OIP5: variants seen among roughly 807,000 people sequenced by gnomAD.
OIP5 encodes Opa interacting protein 5.
Under a neutral mutation model 20.3 loss-of-function variants are expected in OIP5, and 24 were observed. The observed-to-expected ratio is 1.18, with a 90% confidence interval of 0.86 to 1.66. The LOEUF is 1.66. Among genes scored for constraint, OIP5 ranks in the 40% most tolerant of loss-of-function variants. OIP5 has a pLI of 0.00. For synonymous variants in OIP5, 143 were observed against 121.3 expected (o/e 1.18, Z -1.17); for missense variants, 339 against 289.5 (o/e 1.17, Z -1.24).
chr15:41,328,216 G>A (rs947970994), intron 2 of OIP5, among the ~76,000 whole-genome samples: 6 of 152,178 alleles, frequency 3.9e-5, no homozygotes, highest in African/African-American at 1.2e-4. Flanking sequence ...ATGAAGTCTC[G>A]CTATGTTGCT....
At chr15:41,311,876 CTT>C (rs74976629) in intron 4 of OIP5, among the ~76,000 whole-genome samples, 1 of 135,822 alleles carries the variant, frequency 7.4e-6, no homozygotes, top group Non-Finnish European at 1.7e-5. Flanking sequence ...AATAAGAATT[CTT>C]TTTTTTTTTT....
At chr15:41,312,495 TG>T (rs2047762312) in intron 4 of OIP5, among the ~76,000 whole-genome samples, 1 of 152,076 alleles carries the variant, frequency 6.6e-6, no homozygotes, top group African/African-American at 2.4e-5. Context: ...AGTCTCGCTC[TG>T]TTGCCCAGGC....
intron 2 of OIP5, among the ~76,000 whole-genome samples, chr15:41,323,947 G>A (rs938859892): frequency 3.4e-5 from 5 of 148,708 alleles, no homozygotes; most frequent in African/African-American, 1.2e-4. Flanking sequence ...TTGTTATGGA[G>A]AAGGTTTCTT....
intron 4 of OIP5, among the ~76,000 whole-genome samples, chr15:41,311,253 C>T (rs1259084849): frequency 1.3e-5 from 2 of 152,048 alleles, no homozygotes; most frequent in East Asian, 1.9e-4. Context: ...CGGTAGTGCG[C>T]GCCTGTAGTC....
intron 2 of OIP5, among the ~76,000 whole-genome samples, chr15:41,321,328 C>T (rs1268027683): frequency 6.6e-6 from 1 of 151,290 alleles, no homozygotes; most frequent in South Asian, 2.1e-4. Context: ...CCCGGCCAGC[C>T]GCCCCGTCCG....
Position 41,309,711 on chromosome 15 carries a change from C to T in OIP5, c.*43G>A. ...ACTAAGCAGCACCTGTTGTTGAAGA[C>T]AGCAATAAAGCCTGAACCTGACACT... is the stretch of plus-strand genomic sequence containing the variant. On this transcript the variant is annotated 3_prime_UTR_variant, in exon 5 of 5. Transcript: ENST00000220514. 1 of 1,296,636 alleles carries T rather than the reference C, an allele frequency of 7.7e-7. No individual in the cohort carries two copies. The highest frequency in any genetic ancestry group is 2.3e-5 in the East Asian group (1 of 42,920). The allele number at this position is 1,296,636 out of a possible 1,614,324, so 80.3% of individuals were successfully genotyped here.
In OIP5 at chr15:41,332,224, G is replaced by A; in HGVS notation, c.322+16C>T. The A allele has an allele frequency of 6.5e-7, 1 of 1,529,162 alleles. No homozygotes were observed. The highest frequency in any genetic ancestry group is 8.8e-7 in the Non-Finnish European group (1 of 1,140,338). The allele number at this position is 1,529,162 out of a possible 1,614,324, so 94.7% of individuals were successfully genotyped here. A position where few individuals can be genotyped will look rare whatever the true frequency, so the allele number is the denominator to read the frequency against. On this transcript the variant is annotated intron_variant, in intron 1 of 4. Coordinates refer to ENST00000220514, the MANE Select transcript of OIP5 (RefSeq NM_007280.2). ...GGGCTAGCCTCTGCCTTTCCCGAACGCTTCACTGCACTCACTGGAGAAGAC... is the reference window on the plus strand; with the variant it reads ...GGGCTAGCCTCTGCCTTTCCCGAACACTTCACTGCACTCACTGGAGAAGAC...
chr15:41,330,278 T>C (rs1443439319), intron 2 of OIP5, among the ~76,000 whole-genome samples: 1 of 152,048 alleles, frequency 6.6e-6, no homozygotes, highest in Non-Finnish European at 1.5e-5. Context: ...TTTGTATTTT[T>C]AGTAGAGACA....
intron 2 of OIP5, among the ~76,000 whole-genome samples, chr15:41,326,850 T>C (rs1437661444): frequency 6.6e-6 from 1 of 152,190 alleles, no homozygotes; most frequent in African/African-American, 2.4e-5. Flanking sequence ...CCTTCCATCA[T>C]TACATTGGAT....
chr15:41,320,413 G>C (rs937665613), intron 2 of OIP5, among the ~76,000 whole-genome samples: 2 of 146,582 alleles, frequency 1.4e-5, no homozygotes, highest in South Asian at 2.5e-4. Flanking sequence ...GAGTGCCTGC[G>C]ATTGCAGGCA....
At chr15:41,320,971 CGCG>C (rs1567026095) in intron 2 of OIP5, among the ~76,000 whole-genome samples, 4 of 151,514 alleles carry the variant, frequency 2.6e-5, no homozygotes, top group African/African-American at 7.3e-5. Flanking sequence ...TCTGCCCGGC[CGCG>C]ACCCTGCCTG....
At chr15:41,310,323 G>A (rs1595497433) in intron 4 of OIP5, among the ~76,000 whole-genome samples, 2 of 152,184 alleles carry the variant, frequency 1.3e-5, no homozygotes, top group Non-Finnish European at 2.9e-5. Flanking sequence ...ACAACGTAGC[G>A]CACAGTAAGA....
At chr15:41,323,382 T>C (rs2047841961) in intron 2 of OIP5, among the ~76,000 whole-genome samples, 1 of 152,134 alleles carries the variant, frequency 6.6e-6, no homozygotes, top group Admixed American at 6.6e-5. Context: ...CCCAGATCCA[T>C]CAGAGGAATA....
At chr15:41,324,558 T>C (rs1302634631) in intron 2 of OIP5, among the ~76,000 whole-genome samples, 1 of 152,048 alleles carries the variant, frequency 6.6e-6, no homozygotes, top group Non-Finnish European at 1.5e-5. Context: ...GGTGTGTTCT[T>C]GGTGCACTGC....
Position 41,314,564 on chromosome 15 carries a change from G to A in OIP5, c.513-1210C>T, listed in dbSNP as rs1042268383. Among the ~76,000 whole-genome samples, 7 of 151,968 alleles carry A rather than the reference G, an allele frequency of 4.6e-5. No homozygotes were observed. The East Asian group carries it at 5.8e-4, about 13-fold the overall frequency. ...CACCTATAATCCCAGCACTTTGGGA[G>A]GCTGAGGCAGGCAGATGGCTTGACA... On this transcript the variant is annotated intron_variant, in intron 3 of 4. Transcript: ENST00000220514.
intron 3 of OIP5, among the ~76,000 whole-genome samples, chr15:41,318,974 A>G (rs1282611139): frequency 2.0e-5 from 3 of 151,828 alleles, no homozygotes; most frequent in African/African-American, 4.8e-5. Context: ...AAGCATTGGC[A>G]TTACAGGCGC....
At chr15:41,311,799 C>G (rs1444409035) in intron 4 of OIP5, among the ~76,000 whole-genome samples, 1 of 152,048 alleles carries the variant, frequency 6.6e-6, no homozygotes, top group Admixed American at 6.6e-5. Context: ...AACTCCTGAC[C>G]TCATGATCCA....
At chr15:41,327,184 A>AT (rs971332109) in intron 2 of OIP5, among the ~76,000 whole-genome samples, 63 of 146,476 alleles carry the variant, frequency 4.3e-4, no homozygotes, top group South Asian at 2.8e-3. Flanking sequence ...GTATGTTTAA[A>AT]TTTTTTTTTT....
intron 2 of OIP5, among the ~76,000 whole-genome samples, chr15:41,327,809 A>ATTG (rs2047871602): frequency 8.3e-6 from 1 of 119,964 alleles, no homozygotes; most frequent in African/African-American, 3.9e-5. Flanking sequence ...AAATAAAATA[A>ATTG]AATAATTGAA....
Sources: allele counts gnomAD v4.1 joint callset (sites outside exome capture counted in the v4.1 genomes callset), GRCh38; gene constraint gnomAD v4.1.1; transcripts MANE v1.5; gene names NCBI Gene and HGNC (gene_info 2026-07-23, HGNC 2026-07-21).